The following AGBL1 variants were observed in gnomAD, a reference collection of about 807,000 sequenced individuals.
AGBL1 encodes AGBL carboxypeptidase 1.
Under a neutral mutation model 118.9 loss-of-function variants are expected in AGBL1, and 130 were observed. The observed-to-expected ratio is 1.09, with a 90% CI of 0.95 to 1.26. AGBL1 has a LOEUF of 1.26. Ranked by LOEUF, AGBL1 falls within the 50% of genes most tolerant of loss-of-function variation. The pLI is 0.00. For missense variants in AGBL1, 1,584 were observed against 1,298.1 expected (o/e 1.22, Z -3.38); for synonymous variants, 555 against 478.9 (o/e 1.16, Z -2.08).
chr15:86,301,834 C>T (rs1455014819), intron 17 of AGBL1, among the ~76,000 whole-genome samples: 1 of 152,098 alleles, frequency 6.6e-6, no homozygotes, highest in Admixed American at 6.6e-5. Flanking sequence ...TGTATAAACT[C>T]CACGTGCCTG....
intron 17 of AGBL1, among the ~76,000 whole-genome samples, chr15:86,352,967 AT>A (rs1422503634): frequency 1.3e-5 from 2 of 152,350 alleles, no homozygotes; most frequent in Non-Finnish European, 1.5e-5. Flanking sequence ...GTCAGAAAAA[AT>A]AAAAAGTTTT....
chr15:86,147,664 C>T (rs2077051146), intron 3 of AGBL1, among the ~76,000 whole-genome samples: 1 of 152,222 alleles, frequency 6.6e-6, no homozygotes, highest in Non-Finnish European at 1.5e-5. Flanking sequence ...CTAGACTCCA[C>T]TTCTATCGGC....
intron 3 of AGBL1, among the ~76,000 whole-genome samples, chr15:86,151,241 G>GTATACATATGTAAC (rs1224878522): frequency 6.7e-6 from 1 of 149,512 alleles, no homozygotes; most frequent in Non-Finnish European, 1.5e-5. Flanking sequence ...CATGGCACGT[G>GTATACATATGTAAC]TATACATATG....
chr15:86,448,406 C>A (rs538747440), intron 18 of AGBL1, among the ~76,000 whole-genome samples: 85 of 152,122 alleles, frequency 5.6e-4, no homozygotes, highest in Admixed American at 5.5e-3. Context: ...GTTAAGCATG[C>A]TGATATCATT....
chr15:86,118,597 C>G (rs1286503469), intron 1 of AGBL1, among the ~76,000 whole-genome samples: 1 of 152,038 alleles, frequency 6.6e-6, no homozygotes, highest in Admixed American at 6.6e-5. Flanking sequence ...TCATAAAAAT[C>G]TAGAACCCAG....
At chr15:86,450,131 A>G (rs2082175153) in intron 18 of AGBL1, among the ~76,000 whole-genome samples, 1 of 152,176 alleles carries the variant, frequency 6.6e-6, no homozygotes, top group Admixed American at 6.5e-5. Flanking sequence ...ATTTATCTAG[A>G]TAAATCGATT....
At position 86,674,367 on chromosome 15, in the gene AGBL1, A is replaced by G. The variant is rs2085799725; in HGVS notation, c.3089A>G (p.His1030Arg). ...GAGCTCAAATCTGCCAGCTGCAGCCATCAGCTCCTGGCTCAAGCTGCAACT... is the reference window on the plus strand; with the variant it reads ...GAGCTCAAATCTGCCAGCTGCAGCCGTCAGCTCCTGGCTCAAGCTGCAACT... ...ILELKSASCS[H>R]QLLAQAATLL... The change falls in exon 22 of 23, where the codon CAT becomes CGT. Residue 1030 changes from histidine to arginine, a missense_variant. Physicochemically the swap from His to Arg is conservative, Grantham distance 29 (BLOSUM62 0). Transcript: ENST00000614907. 2 of 1,612,950 alleles carry G rather than the reference A, an allele frequency of 1.2e-6. No individual in the cohort carries two copies. Among genetic ancestry groups the G allele is most frequent in the Non-Finnish European group, 8.5e-7 (1 of 1,179,562 alleles).
intron 22 of AGBL1, among the ~76,000 whole-genome samples, chr15:86,791,002 G>A (rs1168794621): frequency 6.6e-6 from 1 of 152,174 alleles, no homozygotes; most frequent in South Asian, 2.1e-4. Context: ...ATCTTTGTCA[G>A]AATTTTCAGA....
Position 86,677,775 on chromosome 15 carries a change from A to G in AGBL1, c.3158+3339A>G, listed in dbSNP as rs147526852. On this transcript the variant is annotated intron_variant, in intron 22 of 22. Transcript: ENST00000614907. ...CTAGGTTTGTTTGACGGACAACACTAAAAGAATAAAAATTCTACATAGATA... is the reference window on the plus strand; with the variant it reads ...CTAGGTTTGTTTGACGGACAACACTGAAAGAATAAAAATTCTACATAGATA... Among the ~76,000 whole-genome samples, 525 of 152,326 alleles carry G rather than the reference A, an allele frequency of 3.4e-3. 1 individual carries two copies. Among genetic ancestry groups the G allele is most frequent in the African/African-American group, 0.012 (483 of 41,564 alleles).
intron 22 of AGBL1, among the ~76,000 whole-genome samples, chr15:86,883,913 C>G (rs912255554): frequency 6.6e-6 from 1 of 152,150 alleles, no homozygotes; most frequent in African/African-American, 2.4e-5. Context: ...AGTAGTCCCT[C>G]CTTTCCATGA....
intron 18 of AGBL1, among the ~76,000 whole-genome samples, chr15:86,464,254 G>T (rs2082369050): frequency 6.6e-6 from 1 of 152,172 alleles, no homozygotes; most frequent in African/African-American, 2.4e-5. Flanking sequence ...TATTATTGGT[G>T]TATAGGAATG....
At chr15:86,981,882 A>G (rs756642963) in intron 23 of AGBL1, among the ~76,000 whole-genome samples, 2 of 152,204 alleles carry the variant, frequency 1.3e-5, no homozygotes, top group Non-Finnish European at 2.9e-5. Context: ...GAGTAAGTGG[A>G]TCTTAGTCCA....
rs2081640172 is a variant in AGBL1 at position 87,019,425 on chromosome 15, T to C, written c.3324-9400T>C. 2.6e-5 allele frequency among the ~76,000 whole-genome samples: 4 copies of C among 152,116 alleles called. No homozygotes were observed. In the South Asian group the frequency reaches 8.3e-4, roughly 32 times the overall value. On this transcript the variant is annotated intron_variant, in intron 24 of 24. Coordinates refer to the AGBL1 transcript ENST00000441037. ...AACTGAAGTTATAACAAACAGTCTG[T>C]TAGACCACAGTGCAATCAAATTAGA...
chr15:86,723,707 T>C (rs952475305), intron 22 of AGBL1, among the ~76,000 whole-genome samples: 3 of 151,394 alleles, frequency 2.0e-5, no homozygotes, highest in Non-Finnish European at 2.9e-5. Context: ...AACGGAAAAC[T>C]AGAACTTATA....
intron 6 of AGBL1, among the ~76,000 whole-genome samples, chr15:86,229,176 T>A (rs2078415909): frequency 6.6e-6 from 1 of 152,214 alleles, no homozygotes; most frequent in Non-Finnish European, 1.5e-5. Context: ...AAACAACATG[T>A]CCTTTGTTTT....
intron 17 of AGBL1, among the ~76,000 whole-genome samples, chr15:86,348,622 G>A (rs1430218660): frequency 2.0e-5 from 3 of 151,924 alleles, no homozygotes; most frequent in Non-Finnish European, 4.4e-5. Context: ...TACTAAAAAT[G>A]TAACAATTAG....
intron 24 of AGBL1, among the ~76,000 whole-genome samples, chr15:86,990,901 A>C (rs1189411948): frequency 1.3e-5 from 2 of 152,162 alleles, no homozygotes; most frequent in African/African-American, 4.8e-5. Flanking sequence ...AATGGCATGA[A>C]TGCTTTATCT....
At chr15:86,918,778 A>G (rs913378497), downstream of AGBL1, among the ~76,000 whole-genome samples, 20 of 152,346 alleles carry the variant, frequency 1.3e-4, no homozygotes, top group African/African-American at 4.8e-4. Context: ...CCCCTAGCAA[A>G]TGTTCAGAGC....
At chr15:86,850,052 T>C (rs1006868513) in intron 22 of AGBL1, among the ~76,000 whole-genome samples, 3 of 152,234 alleles carry the variant, frequency 2.0e-5, no homozygotes, top group African/African-American at 7.2e-5. Context: ...ATAAAGGTAG[T>C]CACCTATGTG....
Sources: gnomAD v4.1 joint callset for allele counts (sites outside exome capture counted in the v4.1 genomes callset) on GRCh38, gnomAD v4.1.1 for gene constraint, MANE v1.5 for transcripts, NCBI Gene and HGNC (gene_info 2026-07-23, HGNC 2026-07-21) for gene names.